The following SLC6A11 variants were observed in gnomAD, a reference collection of about 807,000 sequenced individuals.
The protein encoded by SLC6A11 is sodium- and chloride-dependent GABA transporter 3.
In SLC6A11, 25 loss-of-function variants were observed where a neutral mutation model predicts 74.8. The observed-to-expected ratio is 0.33, with a 90% CI of 0.24 to 0.47. The LOEUF is 0.47. Ranked by LOEUF, SLC6A11 falls within the 20% of genes least tolerant of loss-of-function variation. The pLI is 1.00. For missense variants in SLC6A11, 574 were observed against 837.0 expected, an observed-to-expected ratio of 0.69 and a Z score of 3.88; for synonymous variants, 330 against 330.2, an observed-to-expected ratio of 1.00 and a Z score of 0.01.
In SLC6A11 at chr3:10,823,408, C is replaced by T. The variant is rs911834728; in HGVS notation, c.623+16C>T. 3 of 1,537,798 alleles carry T rather than the reference C, an allele frequency of 2.0e-6. No individual in the cohort carries two copies. The African/African-American group carries it at 4.1e-5, about 21-fold the overall frequency. ...AGTTTTGGGAGTAAGTGGAGAAGAACTTGTCTCCCTTGGCCTGTGGGGGCT... is the reference window on the plus strand; with the variant it reads ...AGTTTTGGGAGTAAGTGGAGAAGAATTTGTCTCCCTTGGCCTGTGGGGGCT... On this transcript the variant is annotated intron_variant, in intron 4 of 13. Coordinates refer to ENST00000254488, the MANE Select transcript of SLC6A11 (RefSeq NM_014229.3).
At chr3:10,843,018 G>C (rs1694457736) in intron 4 of SLC6A11, among the ~76,000 whole-genome samples, 1 of 152,198 alleles carries the variant, frequency 6.6e-6, no homozygotes. Context: ...CGTTCACAGA[G>C]TGCCGAAGCG....
chr3:10,928,978 A>G (rs931943345), intron 9 of SLC6A11, among the ~76,000 whole-genome samples: 1 of 152,204 alleles, frequency 6.6e-6, no homozygotes, highest in Non-Finnish European at 1.5e-5. Flanking sequence ...AATCCTGGGC[A>G]GGTCACTCCC....
At chr3:10,893,239 A>C (rs1695128319) in intron 6 of SLC6A11, among the ~76,000 whole-genome samples, 1 of 152,244 alleles carries the variant, frequency 6.6e-6, no homozygotes, top group Non-Finnish European at 1.5e-5. Flanking sequence ...CCTCAGAGAC[A>C]GAATATAAAA....
intron 13 of SLC6A11, among the ~76,000 whole-genome samples, chr3:10,937,721 G>A (rs1212513853): frequency 6.6e-6 from 1 of 152,192 alleles, no homozygotes; most frequent in Admixed American, 6.5e-5. Flanking sequence ...TGAGCCTTGG[G>A]CTTTGTGATA....
At chr3:10,831,463 CAGTA>C (rs1343383859) in intron 4 of SLC6A11, among the ~76,000 whole-genome samples, 1 of 151,986 alleles carries the variant, frequency 6.6e-6, no homozygotes, top group Non-Finnish European at 1.5e-5. Context: ...GAAAAGCTAA[CAGTA>C]AGTGAAAAAG....
chr3:10,848,980 G>A (rs1575675165), intron 5 of SLC6A11, among the ~76,000 whole-genome samples: 1 of 152,176 alleles, frequency 6.6e-6, no homozygotes, highest in South Asian at 2.1e-4. Flanking sequence ...CATCTGTTCT[G>A]TATCTCCAGC....
At chr3:10,834,528 G>A (rs1694341500) in intron 4 of SLC6A11, among the ~76,000 whole-genome samples, 1 of 152,110 alleles carries the variant, frequency 6.6e-6, no homozygotes, top group African/African-American at 2.4e-5. Context: ...AGTGGCTTTA[G>A]AGTCAGGACC....
intron 6 of SLC6A11, among the ~76,000 whole-genome samples, chr3:10,905,481 G>A (rs977338683): frequency 1.1e-4 from 16 of 152,232 alleles, no homozygotes; most frequent in Non-Finnish European, 2.1e-4. Flanking sequence ...CTTCACAGGG[G>A]CTATGCTTTA....
chr3:10,920,607 C>T (rs1188047301), intron 8 of SLC6A11, among the ~76,000 whole-genome samples: 1 of 152,222 alleles, frequency 6.6e-6, no homozygotes, highest in Non-Finnish European at 1.5e-5. Flanking sequence ...ATGCTCCTGG[C>T]ACCTCTGCAA....
chr3:10,899,217 C>T (rs9845079), intron 6 of SLC6A11, among the ~76,000 whole-genome samples: 1,525 of 152,258 alleles, frequency 0.01, 25 homozygotes, highest in African/African-American at 0.035. Flanking sequence ...TCTGCATCTC[C>T]GACTGTGCTT....
At chr3:10,933,876 C>T (rs1055257723) in intron 11 of SLC6A11, 190 bp from the exon 12 acceptor site, 2 of 494,690 alleles carry the variant, frequency 4.0e-6, no homozygotes, top group African/African-American at 3.9e-5. Context: ...GGGCCAGCAT[C>T]CCTCCTGCTG....
At chr3:10,924,932 C>T (rs1048893526) in intron 8 of SLC6A11, among the ~76,000 whole-genome samples, 1 of 152,198 alleles carries the variant, frequency 6.6e-6, no homozygotes, top group Non-Finnish European at 1.5e-5. Flanking sequence ...TTTGGAATTT[C>T]TTAGAACGTT....
At chr3:10,892,461 G>T (rs1409369601) in intron 6 of SLC6A11, among the ~76,000 whole-genome samples, 1 of 152,062 alleles carries the variant, frequency 6.6e-6, no homozygotes, top group Non-Finnish European at 1.5e-5. Context: ...CCCAGGCTAA[G>T]AATCAGGAAA....
At chr3:10,855,860 C>A (rs1694633102) in intron 5 of SLC6A11, among the ~76,000 whole-genome samples, 5 of 152,140 alleles carry the variant, frequency 3.3e-5, no homozygotes, top group African/African-American at 9.7e-5. Flanking sequence ...AGAAAGCTAA[C>A]CTCCTTCCCT....
At chr3:10,841,200 G>A (rs1694432792) in intron 4 of SLC6A11, among the ~76,000 whole-genome samples, 1 of 152,206 alleles carries the variant, frequency 6.6e-6, no homozygotes, top group South Asian at 2.1e-4. Flanking sequence ...CAGTGTCGGG[G>A]GAGGTCTGTC....
At chr3:10,827,638 A>G (rs971579205) in intron 4 of SLC6A11, among the ~76,000 whole-genome samples, 4 of 152,176 alleles carry the variant, frequency 2.6e-5, no homozygotes, top group Non-Finnish European at 5.9e-5. Flanking sequence ...TAGTTCAATC[A>G]TTTGACAAAC....
At chr3:10,934,208 C>T (rs139066636) in intron 12 of SLC6A11, 42 bp downstream of exon 12, 257 of 1,355,098 alleles carry the variant, frequency 1.9e-4, no homozygotes, top group Middle Eastern at 3.6e-4. Context: ...ATCTACCCAC[C>T]CATCTACCCT....
In SLC6A11 at chr3:10,844,230, A is replaced by G. The variant is rs1001421585; in HGVS notation, c.640A>G (p.Ile214Val). The G allele has an allele frequency of 1.5e-5, 25 of 1,614,080 alleles. No homozygotes were observed. Among genetic ancestry groups the G allele is most frequent in the African/African-American group, 2.7e-5 (2 of 74,936 alleles). The change falls in exon 5 of 14, where the codon ATC becomes GTC. Residue 214 changes from isoleucine (I) to valine (V), a missense_variant. Coordinates refer to ENST00000254488, the MANE Select transcript of SLC6A11 (RefSeq NM_014229.3). ...CTTCTGCAGGCACCGGGTCCTGGCC[A>G]TCTCTGACGGGATCGAGCACATCGG... is the stretch of plus-strand genomic sequence containing the variant. ...MEFWEHRVLA[I>V]SDGIEHIGNL...
intron 4 of SLC6A11, among the ~76,000 whole-genome samples, chr3:10,837,835 C>A (rs1407808775): frequency 6.6e-6 from 1 of 152,214 alleles, no homozygotes; most frequent in African/African-American, 2.4e-5. Flanking sequence ...GGAGTCCCCC[C>A]ATAAATGTGG....
Sources: allele counts gnomAD v4.1 joint callset (sites outside exome capture counted in the v4.1 genomes callset), GRCh38; gene constraint gnomAD v4.1.1; transcripts MANE v1.5; gene names NCBI Gene and HGNC (gene_info 2026-07-23, HGNC 2026-07-21).